Variants in ASXL2 observed in about 807,000 individuals in gnomAD.
The protein encoded by ASXL2 is ASXL transcriptional regulator 2.
Under a neutral mutation model 122.0 loss-of-function variants are expected in ASXL2, and 23 were observed. The ratio of observed to expected loss-of-function variants is 0.19; its 90% CI spans 0.14 to 0.27. The LOEUF (loss-of-function observed/expected upper bound fraction) is 0.27. ASXL2 is among the 10% of genes least tolerant of loss of function. The pLI is 1.00. For synonymous variants in ASXL2, 650 were observed against 637.0 expected (o/e 1.02, Z -0.31); for missense variants, 1,518 against 1,713.8 (o/e 0.89, Z 2.02).
At chr2:25,847,530 T>C (rs2089662726) in intron 1 of ASXL2, among the ~76,000 whole-genome samples, 3 of 152,200 alleles carry the variant, frequency 2.0e-5, no homozygotes, top group African/African-American at 7.2e-5. Flanking sequence ...CTTGTAAAAC[T>C]TGGATATCCC....
intron 3 of ASXL2, among the ~76,000 whole-genome samples, chr2:25,817,711 T>C (rs1357758689): frequency 6.6e-6 from 1 of 151,970 alleles, no homozygotes; most frequent in African/African-American, 2.4e-5. Context: ...AAACAAAAAC[T>C]AGAACAGCAG....
chr2:25,839,873 G>A (rs1218063706), intron 2 of ASXL2, among the ~76,000 whole-genome samples: 2 of 149,702 alleles, frequency 1.3e-5, no homozygotes, highest in African/African-American at 4.9e-5. Context: ...CTATAGGCTT[G>A]CACTACCATG....
Position 25,741,514 on chromosome 2 carries a change from A to G in ASXL2, c.*515T>C, listed in dbSNP as rs539278424. On this transcript the variant is annotated 3_prime_UTR_variant, in exon 13 of 13. Transcript: ENST00000435504. ...GGGACTGAGTAAAACCCTGAATCCA[A>G]GTCCTGCAAAGGCTGAATAATCTAT... The G allele has an allele frequency of 4.3e-6, 1 of 231,506 alleles. No homozygotes were observed. Among genetic ancestry groups the G allele is most frequent in the African/African-American group, 2.2e-5 (1 of 45,232 alleles). The allele number at this position is 231,506 out of a possible 1,614,324, so 14.3% of individuals were successfully genotyped here. A position where few individuals can be genotyped will look rare whatever the true frequency, so the allele number is the denominator to read the frequency against.
rs895584685 is a variant in ASXL2, at chr2:25,744,155, T to C, written c.2182A>G (p.Thr728Ala). The C allele has an allele frequency of 1.9e-6, 3 of 1,613,988 alleles. No homozygotes were observed. Among genetic ancestry groups the C allele is most frequent in the African/African-American group, 2.7e-5 (2 of 75,038 alleles). ...CTTCCAGTTCCTGCCAGTTCCAGTG[T>C]GGGGCCCTTTCCAGTTTCACTGACT... ...DRVSETGKGPTLELAGTGSRG... is the reference protein window; with the variant it reads ...DRVSETGKGPALELAGTGSRG... Residue 728 changes from threonine (T) to alanine (A), a missense_variant, in exon 13 of 13, where the codon ACA becomes GCA. By Grantham distance (58) the Thr-to-Ala change is moderately conservative. Coordinates refer to ENST00000435504, the MANE Select transcript of ASXL2 (RefSeq NM_018263.6). The surrounding 1 kb of genome is among the most constrained non-coding windows in gnomAD (Gnocchi z 4.7).
chr2:25,857,596 G>A (rs1483444904), intron 1 of ASXL2, among the ~76,000 whole-genome samples: 2 of 152,108 alleles, frequency 1.3e-5, no homozygotes, highest in Non-Finnish European at 2.9e-5. Flanking sequence ...AATGTAGAAC[G>A]CTCTTTTCCT....
At chr2:25,826,628 T>G (rs780058117) in intron 3 of ASXL2, among the ~76,000 whole-genome samples, 12 of 152,128 alleles carry the variant, frequency 7.9e-5, no homozygotes, top group Non-Finnish European at 1.6e-4. Flanking sequence ...AAAATACAGT[T>G]GTCAAAACTT....
At chr2:25,812,651 G>C (rs1307164985) in intron 3 of ASXL2, among the ~76,000 whole-genome samples, 1 of 152,126 alleles carries the variant, frequency 6.6e-6, no homozygotes, top group Non-Finnish European at 1.5e-5. Context: ...GACCACTGAT[G>C]CAACAATCCC....
chr2:25,772,187 A>AT (rs773134070), intron 5 of ASXL2, among the ~76,000 whole-genome samples: 6 of 152,182 alleles, frequency 3.9e-5, no homozygotes, highest in Non-Finnish European at 7.3e-5. Context: ...AAGAATCTAT[A>AT]CCTCTTAAAC....
chr2:25,808,292 T>C (rs992327770), intron 3 of ASXL2, among the ~76,000 whole-genome samples: 7 of 152,054 alleles, frequency 4.6e-5, no homozygotes, highest in Non-Finnish European at 8.8e-5. Context: ...TAAGGAGAAA[T>C]CCAACACCAA....
intron 3 of ASXL2, chr2:25,810,232 G>T (rs558550069): frequency 3.3e-6 from 2 of 609,280 alleles, no homozygotes; most frequent in Non-Finnish European, 6.3e-6. Context: ...AGCTCAGCTC[G>T]TTCCTCTGTG....
chr2:25,859,633 G>A (rs1310171463), intron 1 of ASXL2, among the ~76,000 whole-genome samples: 3 of 152,094 alleles, frequency 2.0e-5, no homozygotes, highest in African/African-American at 4.8e-5. Context: ...TGGACAAAAC[G>A]CAGAGAGGAG....
chr2:25,868,251 A>G (rs2089925583), intron 1 of ASXL2, among the ~76,000 whole-genome samples: 2 of 152,276 alleles, frequency 1.3e-5, no homozygotes, highest in Non-Finnish European at 2.9e-5. Flanking sequence ...GAAATTCAAT[A>G]TGGCTAAGCC....
chr2:25,856,763 C>G, intron 1 of ASXL2: 1 of 1,299,798 alleles, frequency 7.7e-7, no homozygotes, highest in Non-Finnish European at 1.1e-6. Context: ...AGCTGCAGAC[C>G]TTCTTCTCAA....
rs1450077599 is a variant in ASXL2, at chr2:25,739,257, A to G, written c.*2772T>C. On this transcript the variant is annotated 3_prime_UTR_variant, in exon 13 of 13. Coordinates refer to ENST00000435504, the MANE Select transcript of ASXL2 (RefSeq NM_018263.6). ...ACTTTTCAGATTGGGATGAAAGGTAAAACAACTCAAAAAACTAAGGTAAAG... is the reference window on the plus strand; with the variant it reads ...ACTTTTCAGATTGGGATGAAAGGTAGAACAACTCAAAAAACTAAGGTAAAG... 1 of 159,736 alleles carries G rather than the reference A, an allele frequency of 6.3e-6. No homozygotes were observed. The highest frequency in any genetic ancestry group is 2.4e-5 in the African/African-American group (1 of 41,678). 9.9% of individuals were successfully genotyped at this position (159,736 alleles called of 1,614,324 possible). A position where few individuals can be genotyped will look rare whatever the true frequency, so the allele number is the denominator to read the frequency against.
intron 8 of ASXL2, 125 bp downstream of exon 8, chr2:25,767,454 TTATG>T: frequency 1.0e-6 from 1 of 969,978 alleles, no homozygotes; most frequent in East Asian, 2.6e-5. Flanking sequence ...CAAAAAAAAC[TTATG>T]TCTAATCTTT....
intron 12 of ASXL2, among the ~76,000 whole-genome samples, chr2:25,746,125 A>T (rs1315694350): frequency 6.6e-6 from 1 of 151,626 alleles, no homozygotes; most frequent in East Asian, 1.9e-4. Flanking sequence ...GCATTTAATT[A>T]AAAAAAAATT....
At chr2:25,769,160 A>G (rs1004535321) in intron 6 of ASXL2, among the ~76,000 whole-genome samples, 2 of 152,164 alleles carry the variant, frequency 1.3e-5, no homozygotes, top group African/African-American at 4.8e-5. Flanking sequence ...ATAAATGTGA[A>G]AAAGTCATTA....
chr2:25,824,478 T>TACACACAC (rs140466165), intron 3 of ASXL2, among the ~76,000 whole-genome samples: 1 of 148,648 alleles, frequency 6.7e-6, no homozygotes, highest in African/African-American at 2.5e-5. Context: ...AGTGTGCACG[T>TACACACAC]ACACACACAC....
chr2:25,766,803 G>A (rs893913978), intron 8 of ASXL2, among the ~76,000 whole-genome samples: 2 of 152,126 alleles, frequency 1.3e-5, no homozygotes, highest in Non-Finnish European at 2.9e-5. Flanking sequence ...CCCTGAATGT[G>A]GAGTTTCTCT....
Sources: allele counts gnomAD v4.1 joint callset (sites outside exome capture counted in the v4.1 genomes callset), GRCh38; gene constraint gnomAD v4.1.1; non-coding constraint Gnocchi (gnomAD v3.1); transcripts MANE v1.5; gene names NCBI Gene and HGNC (gene_info 2026-07-23, HGNC 2026-07-21).